The following PDE11A variants were observed in gnomAD, a reference collection of about 807,000 sequenced individuals.
PDE11A encodes the protein phosphodiesterase 11A, also known as dual 3',5'-cyclic-AMP and -GMP phosphodiesterase 11A.
PDE11A carries 100 observed loss-of-function variants against 100.5 expected under a neutral mutation model. The ratio of observed to expected loss-of-function variants is 1.00; its 90% confidence interval spans 0.85 to 1.18. PDE11A has a LOEUF of 1.18. Among genes scored for constraint, PDE11A ranks in the 50% most tolerant of loss-of-function variants. PDE11A has a pLI of 0.00. For synonymous variants in PDE11A, 381 were observed against 420.8 expected (o/e 0.91, Z 1.16); for missense variants, 1,141 against 1,152.6 (o/e 0.99, Z 0.15).
intron 19 of PDE11A, among the ~76,000 whole-genome samples, chr2:177,654,929 A>G (rs548300192): frequency 8.8e-4 from 79 of 89,652 alleles, no homozygotes; most frequent in African/African-American, 2.0e-3. Flanking sequence ...CTTTTAAAAT[A>G]TGCTCTCTAA....
chr2:177,832,001 C>T (rs990187481), intron 6 of PDE11A, among the ~76,000 whole-genome samples: 1 of 152,070 alleles, frequency 6.6e-6, no homozygotes, highest in Non-Finnish European at 1.5e-5. Flanking sequence ...GGAAGGAGCA[C>T]GGCAGGAGAG....
chr2:178,056,031 A>G (rs1441123273), intron 1 of PDE11A, among the ~76,000 whole-genome samples: 1 of 152,154 alleles, frequency 6.6e-6, no homozygotes, highest in Non-Finnish European at 1.5e-5. Flanking sequence ...GTCAAGAAAA[A>G]AAAAGCTCTC....
intron 12 of PDE11A, among the ~76,000 whole-genome samples, chr2:177,714,473 A>G (rs2081406668): frequency 6.6e-6 from 1 of 152,190 alleles, no homozygotes. Context: ...TATAGATGAG[A>G]AAACTGAGTC....
chr2:178,093,525 A>C (rs1371053831), intron 2 of PDE11A, among the ~76,000 whole-genome samples: 1 of 152,202 alleles, frequency 6.6e-6, no homozygotes, highest in Non-Finnish European at 1.5e-5. Context: ...TTCTTTCTAA[A>C]ACCAGTCAAA....
chr2:177,660,128 TTTCATTCC>T (rs2080463317), intron 19 of PDE11A, among the ~76,000 whole-genome samples: 5 of 95,316 alleles, frequency 5.2e-5, no homozygotes, highest in Admixed American at 2.4e-4. Context: ...TCTTTCTTTC[TTTCATTCC>T]TTCTCTCTCT....
intron 10 of PDE11A, among the ~76,000 whole-genome samples, chr2:177,755,968 C>T (rs1232545802): frequency 1.3e-5 from 2 of 152,230 alleles, no homozygotes; most frequent in East Asian, 1.9e-4. Flanking sequence ...GGAGCCCATT[C>T]TGTGGGGCAG....
intron 2 of PDE11A, among the ~76,000 whole-genome samples, chr2:177,910,785 T>C (rs985368987): frequency 6.6e-6 from 1 of 152,204 alleles, no homozygotes; most frequent in Admixed American, 6.5e-5. Context: ...CACTGGGCCT[T>C]CTATCAATGT....
chr2:178,043,913 C>T (rs147186711), intron 1 of PDE11A, among the ~76,000 whole-genome samples: 60 of 152,230 alleles, frequency 3.9e-4, no homozygotes, highest in African/African-American at 1.2e-3. Flanking sequence ...TATTATGTTA[C>T]TTTGAAGAGT....
At chr2:177,674,110 C>G (rs1169575418) in intron 17 of PDE11A, among the ~76,000 whole-genome samples, 2 of 152,172 alleles carry the variant, frequency 1.3e-5, no homozygotes, top group Non-Finnish European at 2.9e-5. Flanking sequence ...GAACCCATAA[C>G]ACACTGCTAA....
At chr2:177,849,413 G>C (rs767726822) in intron 5 of PDE11A, among the ~76,000 whole-genome samples, 1 of 152,090 alleles carries the variant, frequency 6.6e-6, no homozygotes, top group African/African-American at 2.4e-5. Flanking sequence ...CATGAGTAAA[G>C]CTTTAAAAAG....
At chr2:178,018,253 G>C (rs2086364000) in intron 1 of PDE11A, 4 of 418,936 alleles carry the variant, frequency 9.5e-6, no homozygotes, top group South Asian at 8.4e-5. Context: ...TCCTTGCTCT[G>C]CGATGGACTA....
At chr2:177,901,179 G>T (rs192507130) in intron 3 of PDE11A, among the ~76,000 whole-genome samples, 25 of 152,140 alleles carry the variant, frequency 1.6e-4, no homozygotes, top group Admixed American at 1.5e-3. Flanking sequence ...GAGATATTTT[G>T]CAGACCCCGT....
At chr2:177,832,329 T>C (rs1037221888) in intron 6 of PDE11A, among the ~76,000 whole-genome samples, 1 of 152,146 alleles carries the variant, frequency 6.6e-6, no homozygotes, top group African/African-American at 2.4e-5. Context: ...TCAAATCAGC[T>C]GCCAGCACAG....
At chr2:177,797,851 A>T (rs529203443) in intron 9 of PDE11A, among the ~76,000 whole-genome samples, 1 of 152,222 alleles carries the variant, frequency 6.6e-6, no homozygotes, top group Non-Finnish European at 1.5e-5. Context: ...TGAAATACTA[A>T]GATAAATTTT....
chr2:177,657,883 A>C (rs1460362172), intron 19 of PDE11A, among the ~76,000 whole-genome samples: 2 of 152,216 alleles, frequency 1.3e-5, no homozygotes, highest in African/African-American at 4.8e-5. Context: ...GGTGAAGAGA[A>C]AGTAGCTGGG....
rs1246156630 is a variant in PDE11A, at chr2:177,623,788, G to C, written c.*5619C>G. ...CGTATACAAAAATGACATTGGTGTA[G>C]TTATGTTATACAGATAAACAATTTA... On this transcript the variant is annotated 3_prime_UTR_variant, in exon 20 of 20. Transcript: ENST00000286063. 6.6e-6 allele frequency: 1 copy of C among 152,134 alleles called. No homozygotes were observed. The highest frequency in any genetic ancestry group is 1.9e-4 in the East Asian group (1 of 5,200). The allele number at this position is 152,134 out of a possible 1,614,324, so 9.4% of individuals were successfully genotyped here.
At position 178,066,621 on chromosome 2, in the gene PDE11A, C is replaced by A. The variant is rs138895115; in HGVS notation, c.912+4905G>T. Among the ~76,000 whole-genome samples the A allele has an allele frequency of 2.0e-5, 3 of 152,268 alleles. No homozygotes were observed. The East Asian group carries it at 5.8e-4, about 29-fold the overall frequency. On this transcript the variant is annotated intron_variant, in intron 1 of 19. Coordinates refer to ENST00000286063, the MANE Select transcript of PDE11A (RefSeq NM_016953.4). ...TCACATGGGCTGAGGGAGAGGCCCACATTCATGTCTGCCATTGCACTCTGC... is the reference window on the plus strand; with the variant it reads ...TCACATGGGCTGAGGGAGAGGCCCAAATTCATGTCTGCCATTGCACTCTGC...
At chr2:178,095,405 C>T (rs529055376) in intron 2 of PDE11A, among the ~76,000 whole-genome samples, 3 of 152,222 alleles carry the variant, frequency 2.0e-5, no homozygotes, top group Non-Finnish European at 2.9e-5. Flanking sequence ...ATCTGGGTCA[C>T]GCTGATGCAA....
chr2:177,863,736 T>A (rs940061282), intron 5 of PDE11A, among the ~76,000 whole-genome samples: 5 of 152,036 alleles, frequency 3.3e-5, no homozygotes, highest in African/African-American at 1.2e-4. Flanking sequence ...TTTACACTGT[T>A]GGTGGGAATA....
Sources: gnomAD v4.1 joint callset for allele counts (sites outside exome capture counted in the v4.1 genomes callset) on GRCh38, gnomAD v4.1.1 for gene constraint, MANE v1.5 for transcripts, NCBI Gene and HGNC (gene_info 2026-07-23, HGNC 2026-07-21) for gene names.